RNF220: variants seen among roughly 807,000 people sequenced by gnomAD.
RNF220 encodes ring finger protein 220.
In RNF220, 7 loss-of-function variants were observed where a neutral mutation model predicts 67.1. That is an observed-to-expected ratio of 0.10 (90% CI 0.06 to 0.20). The LOEUF (loss-of-function observed/expected upper bound fraction) is 0.20, where lower values mean the gene tolerates loss of function less well. RNF220 is among the 10% of genes least tolerant of loss of function. RNF220 has a pLI of 1.00. For synonymous variants in RNF220, 270 were observed against 283.2 expected, an observed-to-expected ratio of 0.95 and a Z score of 0.47; for missense variants, 565 against 740.3, an observed-to-expected ratio of 0.76 and a Z score of 2.75.
At chr1:44,574,913 T>A (rs1664701711) in intron 2 of RNF220, among the ~76,000 whole-genome samples, 1 of 152,182 alleles carries the variant, frequency 6.6e-6, no homozygotes, top group African/African-American at 2.4e-5. Context: ...TATTTACAGA[T>A]CACATATGAC....
chr1:44,609,571 C>T (rs534058726), intron 2 of RNF220, among the ~76,000 whole-genome samples: 1 of 152,308 alleles, frequency 6.6e-6, no homozygotes, highest in East Asian at 1.9e-4. Flanking sequence ...AGGGAAGGGG[C>T]AGGTTGTGCC....
At position 44,621,892 on chromosome 1, in the gene RNF220, ATGTG is replaced by A. The variant is rs35521644; in HGVS notation, c.759-837_759-834del. Among the ~76,000 whole-genome samples, 6,319 of 151,288 alleles carry A rather than the reference ATGTG, an allele frequency of 0.042. 186 individuals are homozygous for A. Among genetic ancestry groups the A allele is most frequent in the Non-Finnish European group, 0.065 (4,378 of 67,684 alleles). ...TTCATCAGCCAGCACTTCTGTGAGC[ATGTG>A]TGTGTGTGTGTGAGTGCACGCGCAT... On this transcript the variant is annotated intron_variant, in intron 3 of 14. Coordinates refer to ENST00000361799, the MANE Select transcript of RNF220 (RefSeq NM_018150.4). This position sits in a 1 kb window ranked among gnomAD's most constrained non-coding sequence, Gnocchi z 4.8.
At chr1:44,411,097 G>A (rs1647913776) in intron 1 of RNF220, among the ~76,000 whole-genome samples, 1 of 152,146 alleles carries the variant, frequency 6.6e-6, no homozygotes, top group South Asian at 2.1e-4. Context: ...CAAATCCAAG[G>A]CAGTTTACAA....
chr1:44,602,466 G>A (rs1399330095), intron 2 of RNF220, among the ~76,000 whole-genome samples: 1 of 152,148 alleles, frequency 6.6e-6, no homozygotes, highest in Non-Finnish European at 1.5e-5. Flanking sequence ...TCTAGAGACT[G>A]CGGATGGAGA....
chr1:44,409,608 A>T (rs959046058), intron 1 of RNF220, among the ~76,000 whole-genome samples: 43 of 151,906 alleles, frequency 2.8e-4, no homozygotes, highest in East Asian at 2.1e-3. Context: ...GTGCTAAATT[A>T]AAAAAAATCA....
chr1:44,630,371 C>CTAAGAACACATAAATTG (rs1385644947), intron 5 of RNF220, among the ~76,000 whole-genome samples: 1 of 152,218 alleles, frequency 6.6e-6, no homozygotes, highest in Non-Finnish European at 1.5e-5. Flanking sequence ...GGTGACTCTT[C>CTAAGAACACATAAATTG]TAAGAACACA....
At chr1:44,427,220 G>T (rs749101023) in intron 2 of RNF220, among the ~76,000 whole-genome samples, 2 of 152,184 alleles carry the variant, frequency 1.3e-5, no homozygotes, top group Non-Finnish European at 2.9e-5. Flanking sequence ...GATCCAGGCA[G>T]TCTGACTCCA....
intron 2 of RNF220, among the ~76,000 whole-genome samples, chr1:44,460,630 G>A (rs1653672318): frequency 6.6e-6 from 1 of 152,114 alleles, no homozygotes; most frequent in Non-Finnish European, 1.5e-5. Flanking sequence ...GGGGAGAGGA[G>A]GTCAGCTGCA....
intron 2 of RNF220, among the ~76,000 whole-genome samples, chr1:44,500,133 CT>C (rs1487576549): frequency 6.6e-6 from 1 of 152,234 alleles, no homozygotes; most frequent in African/African-American, 2.4e-5. Context: ...TGTGACTCCT[CT>C]GGCTTGCCAT....
At chr1:44,532,653 G>A (rs1242984986) in intron 2 of RNF220, among the ~76,000 whole-genome samples, 1 of 152,208 alleles carries the variant, frequency 6.6e-6, no homozygotes, top group African/African-American at 2.4e-5. Flanking sequence ...AATTATAACA[G>A]TGTGCCTTTC....
At chr1:44,557,903 C>G (rs1298343488) in intron 2 of RNF220, among the ~76,000 whole-genome samples, 1 of 152,202 alleles carries the variant, frequency 6.6e-6, no homozygotes, top group Non-Finnish European at 1.5e-5. Flanking sequence ...TCGACCCTTC[C>G]CCACTGAGGA....
At chr1:44,440,435 C>A (rs1452057506) in intron 2 of RNF220, among the ~76,000 whole-genome samples, 1 of 152,132 alleles carries the variant, frequency 6.6e-6, no homozygotes, top group Non-Finnish European at 1.5e-5. Context: ...CAAAGCTGAC[C>A]CTGGCATTGG....
At chr1:44,410,494 T>A (rs1252222355) in intron 1 of RNF220, 3 of 152,230 alleles carry the variant, frequency 2.0e-5, no homozygotes, top group Non-Finnish European at 4.4e-5. Context: ...AGCAATGATG[T>A]CTATAAGGAA....
intron 2 of RNF220, among the ~76,000 whole-genome samples, chr1:44,574,167 G>GAATA (rs1185593992): frequency 2.6e-5 from 4 of 152,104 alleles, no homozygotes; most frequent in East Asian, 3.8e-4. Flanking sequence ...ACGAATGAAT[G>GAATA]AATAAATAAA....
At chr1:44,459,054 T>TTAATG (rs1399816758) in intron 2 of RNF220, among the ~76,000 whole-genome samples, 2 of 152,266 alleles carry the variant, frequency 1.3e-5, no homozygotes, top group East Asian at 3.9e-4. Context: ...AGCCAGACCT[T>TTAATG]TAATGTCCCA....
At chr1:44,630,041 A>T (rs1387109623) in intron 5 of RNF220, among the ~76,000 whole-genome samples, 1 of 152,212 alleles carries the variant, frequency 6.6e-6, no homozygotes, top group Non-Finnish European at 1.5e-5. Context: ...TTGTTCAGCT[A>T]TGTCGGATTT....
rs77922414 is a variant in RNF220, at chr1:44,580,453, A to C, written c.626-33712A>C. Among the ~76,000 whole-genome samples, 464 of 152,372 alleles carry C rather than the reference A, an allele frequency of 3.0e-3. 4 individuals are homozygous for C. Among genetic ancestry groups the C allele is most frequent in the African/African-American group, 0.01 (434 of 41,586 alleles). On this transcript the variant is annotated intron_variant, in intron 2 of 14. Coordinates refer to ENST00000361799, the MANE Select transcript of RNF220 (RefSeq NM_018150.4). ...TTATTGTTGTTTTTAGATTTCCAAA[A>C]GGCTATTGTGTGGGACAGAGATCAA...
chr1:44,577,736 C>A (rs1398572731), intron 2 of RNF220, among the ~76,000 whole-genome samples: 1 of 152,082 alleles, frequency 6.6e-6, no homozygotes, highest in East Asian at 1.9e-4. Flanking sequence ...GAGGCCGAGG[C>A]GGGTGGATCA....
At chr1:44,474,105 T>C (rs1453450794) in intron 2 of RNF220, among the ~76,000 whole-genome samples, 1 of 152,086 alleles carries the variant, frequency 6.6e-6, no homozygotes, top group South Asian at 2.1e-4. Flanking sequence ...CCGGGTGTGG[T>C]AGCTCACGCC....
Sources: gnomAD v4.1 joint callset for allele counts (sites outside exome capture counted in the v4.1 genomes callset) on GRCh38, gnomAD v4.1.1 for gene constraint, Gnocchi (gnomAD v3.1) non-coding constraint, MANE v1.5 for transcripts, NCBI Gene and HGNC (gene_info 2026-07-23, HGNC 2026-07-21) for gene names.